LRP1B: variants seen among roughly 807,000 people sequenced by gnomAD.
LRP1B encodes the protein LDL receptor related protein 1B.
Under a neutral mutation model 556.6 loss-of-function variants are expected in LRP1B, and 217 were observed. That is an observed-to-expected ratio of 0.39 (90% CI 0.35 to 0.44). The LOEUF (loss-of-function observed/expected upper bound fraction) is 0.44, where lower values mean the gene tolerates loss of function less well. Ranked by LOEUF, LRP1B falls within the 20% of genes least tolerant of loss-of-function variation. The pLI is 1.00. For synonymous variants in LRP1B, 2,047 were observed against 1,865.8 expected (o/e 1.10, Z -2.50); for missense variants, 5,053 against 5,620.8 (o/e 0.90, Z 3.23).
chr2:140,254,705 C>T (rs1317832452), intron 86 of LRP1B, among the ~76,000 whole-genome samples: 2 of 152,068 alleles, frequency 1.3e-5, no homozygotes, highest in African/African-American at 4.8e-5. Context: ...AGGCACTTGC[C>T]ACCACACCCG....
chr2:140,521,107 G>A (rs947666371), intron 49 of LRP1B, among the ~76,000 whole-genome samples: 11 of 151,958 alleles, frequency 7.2e-5, no homozygotes, highest in Admixed American at 4.6e-4. Context: ...GAGAAAGTAT[G>A]CAACTTAGAA....
intron 14 of LRP1B, among the ~76,000 whole-genome samples, chr2:141,008,355 G>T (rs1697641599): frequency 6.6e-6 from 1 of 150,834 alleles, no homozygotes; most frequent in Middle Eastern, 3.2e-3. Context: ...TCGTCTAAAT[G>T]ACCCTTCCAA....
intron 3 of LRP1B, among the ~76,000 whole-genome samples, chr2:141,477,405 C>A (rs763227990): frequency 6.6e-6 from 1 of 151,904 alleles, no homozygotes; most frequent in Non-Finnish European, 1.5e-5. Context: ...TCCTTACAGA[C>A]TTGATGGGGC....
chr2:141,619,457 A>T (rs1688425762), intron 2 of LRP1B, among the ~76,000 whole-genome samples: 1 of 152,210 alleles, frequency 6.6e-6, no homozygotes. Flanking sequence ...TCTGGAGGAA[A>T]TGATATTTGA....
intron 41 of LRP1B, 134 bp downstream of exon 41, chr2:140,700,116 T>C (rs1489453482): frequency 2.5e-6 from 2 of 790,270 alleles, no homozygotes; most frequent in Non-Finnish European, 3.9e-6. Context: ...GAGGGTTAGA[T>C]GATATAGTCA....
chr2:141,723,735 T>C (rs1017792005), intron 2 of LRP1B, among the ~76,000 whole-genome samples: 1 of 151,964 alleles, frequency 6.6e-6, no homozygotes. Flanking sequence ...TCAATTCTTC[T>C]GTAGATAAAA....
intron 7 of LRP1B, among the ~76,000 whole-genome samples, chr2:141,138,765 G>T (rs1294992929): frequency 1.3e-5 from 2 of 151,782 alleles, no homozygotes; most frequent in Admixed American, 1.3e-4. Context: ...GGGGTAGAAG[G>T]CATAATATTG....
intron 1 of LRP1B, among the ~76,000 whole-genome samples, chr2:142,066,739 C>A (rs1487675169): frequency 6.6e-6 from 1 of 151,478 alleles, no homozygotes; most frequent in Non-Finnish European, 1.5e-5. Flanking sequence ...TTTCCAGCCT[C>A]TGTTTTTTGC....
chr2:141,999,530 T>C (rs1702596204), intron 1 of LRP1B, among the ~76,000 whole-genome samples: 1 of 152,140 alleles, frequency 6.6e-6, no homozygotes, highest in Non-Finnish European at 1.5e-5. Context: ...TTGAATTTTG[T>C]TAAAGAAATA....
At chr2:141,967,676 C>G (rs1009606343) in intron 1 of LRP1B, among the ~76,000 whole-genome samples, 1 of 151,708 alleles carries the variant, frequency 6.6e-6, no homozygotes, top group Non-Finnish European at 1.5e-5. Context: ...GTATATATGT[C>G]CTTACTTAAA....
At chr2:140,648,539 T>A (rs1007691640) in intron 41 of LRP1B, among the ~76,000 whole-genome samples, 2 of 152,070 alleles carry the variant, frequency 1.3e-5, no homozygotes, top group Non-Finnish European at 2.9e-5. Flanking sequence ...GGTGATCAGA[T>A]CATTCTGTAG....
intron 2 of LRP1B, among the ~76,000 whole-genome samples, chr2:141,671,993 C>G (rs1377047662): frequency 3.3e-5 from 5 of 151,742 alleles, no homozygotes; most frequent in African/African-American, 1.2e-4. Flanking sequence ...TCCAGGGAGG[C>G]AGATATTAGG....
intron 3 of LRP1B, among the ~76,000 whole-genome samples, chr2:141,385,542 C>T (rs1689800603): frequency 6.6e-6 from 1 of 151,966 alleles, no homozygotes; most frequent in African/African-American, 2.4e-5. Flanking sequence ...AGAACAAGAG[C>T]AGCATGCATT....
At chr2:141,595,567 T>C (rs2105300705) in intron 2 of LRP1B, among the ~76,000 whole-genome samples, 1 of 152,236 alleles carries the variant, frequency 6.6e-6, no homozygotes, top group South Asian at 2.1e-4. Context: ...ATAATTTATT[T>C]TGTTACTCAT....
rs200188043 is a variant in LRP1B at position 140,371,636 on chromosome 2, TA to T, written c.10769-352del. 6.7e-3 allele frequency among the ~76,000 whole-genome samples: 1,014 copies of T among 151,814 alleles called. 11 individuals carry two copies. Among genetic ancestry groups the T allele is most frequent in the South Asian group, 0.018 (89 of 4,822 alleles). On this transcript the variant is annotated intron_variant, in intron 69 of 90. Transcript: ENST00000389484. ...AGTTTTTTTTTTTACAATTTTAAAT[TA>T]AATCATTTTAAATTATTGAAGTCTC...
chr2:141,838,519 T>G (rs1697365852), intron 1 of LRP1B, among the ~76,000 whole-genome samples: 1 of 152,208 alleles, frequency 6.6e-6, no homozygotes, highest in African/African-American at 2.4e-5. Flanking sequence ...TAATAAGTGA[T>G]GAGCACATTA....
rs75601050 is a variant in LRP1B at position 141,828,832 on chromosome 2, T to C, written c.83-18431A>G. 9.3e-3 allele frequency among the ~76,000 whole-genome samples: 1,417 copies of C among 152,090 alleles called. 19 individuals are homozygous for C. Among genetic ancestry groups the C allele is most frequent in the Middle Eastern group, 0.02 (6 of 294 alleles). On this transcript the variant is annotated intron_variant, in intron 1 of 90. Coordinates refer to ENST00000389484, the MANE Select transcript of LRP1B (RefSeq NM_018557.3). ...TAATCGGAATAATAAAAAGGGACTT[T>C]AAAAATCAATAACTGGGATAAAAGC...
rs869268773 is a variant in LRP1B, at chr2:140,451,432, ATTAAT to A, written c.9964-776_9964-772del. Among the ~76,000 whole-genome samples, 16 of 152,338 alleles carry A rather than the reference ATTAAT, an allele frequency of 1.1e-4. 1 individual carries two copies. The highest frequency in any genetic ancestry group is 2.4e-4 in the African/African-American group (10 of 41,582). ...AGTTGAACTAATTTAGGTAATTTGA[ATTAAT>A]TTAATTTAATTGCATTTTATTCAGA... On this transcript the variant is annotated intron_variant, in intron 62 of 90. Transcript: ENST00000389484.
chr2:140,306,730 T>C (rs188920180), intron 83 of LRP1B, among the ~76,000 whole-genome samples: 1,997 of 152,188 alleles, frequency 0.013, 42 homozygotes, highest in African/African-American at 0.046. Context: ...GCTTCTCTAG[T>C]TCTTTTAATT....
Sources: gnomAD v4.1 joint callset for allele counts (sites outside exome capture counted in the v4.1 genomes callset) on GRCh38, gnomAD v4.1.1 for gene constraint, MANE v1.5 for transcripts, NCBI Gene and HGNC (gene_info 2026-07-23, HGNC 2026-07-21) for gene names.